The following IQCB1 variants were observed in gnomAD, a reference collection of about 807,000 sequenced individuals.
IQCB1 encodes IQ motif containing B1.
IQCB1 carries 56 observed loss-of-function variants against 84.4 expected under a neutral mutation model. The ratio of observed to expected loss-of-function variants is 0.66; its 90% CI spans 0.54 to 0.83. The LOEUF (loss-of-function observed/expected upper bound fraction) is 0.83, where lower values mean the gene tolerates loss of function less well. Among genes scored for constraint, IQCB1 ranks in the 40% least tolerant of loss-of-function variants. The pLI is 0.00. For synonymous variants in IQCB1, 210 were observed against 234.8 expected (o/e 0.89, Z 0.96); for missense variants, 629 against 682.1 (o/e 0.92, Z 0.87).
rs1949963055 is a variant in IQCB1, at chr3:121,814,300, C to G, written c.394-5291G>C. On this transcript the variant is annotated intron_variant, in intron 5 of 14. Coordinates refer to ENST00000310864, the MANE Select transcript of IQCB1 (RefSeq NM_001023570.4). Reference sequence around the variant, plus strand: ...GAGGGAAATTTACAGCACTAAATGCCCACAGGAGAAAGTGGGAAAGATCTA... The same window carrying G: ...GAGGGAAATTTACAGCACTAAATGCGCACAGGAGAAAGTGGGAAAGATCTA... 2.0e-5 allele frequency among the ~76,000 whole-genome samples: 3 copies of G among 152,130 alleles called. No individual in the cohort carries two copies. In the South Asian group the frequency reaches 6.2e-4, roughly 31 times the overall value.
intron 10 of IQCB1, among the ~76,000 whole-genome samples, chr3:121,792,152 C>T (rs1237429777): frequency 6.6e-6 from 1 of 152,104 alleles, no homozygotes; most frequent in Non-Finnish European, 1.5e-5. Context: ...ATTATAATGT[C>T]TAATACTGCA....
intron 9 of IQCB1, 94 bp downstream of exon 9, chr3:121,797,024 C>G: frequency 1.3e-6 from 1 of 779,290 alleles, no homozygotes; most frequent in Non-Finnish European, 2.3e-6. Flanking sequence ...TGCTTGAAAT[C>G]TTAAGAGAAA....
At position 121,770,420 on chromosome 3, in the gene IQCB1, A is replaced by G. The variant is rs545123454; in HGVS notation, c.1722T>C (p.Asp574=). The G allele has an allele frequency of 3.1e-6, 5 of 1,613,196 alleles. No individual in the cohort carries two copies. Among genetic ancestry groups the G allele is most frequent in the East Asian group, 2.2e-5 (1 of 44,854 alleles). Residue 574 remains aspartate (D), a synonymous_variant, in exon 15 of 15, where the codon GAT becomes GAC. Transcript: ENST00000310864. Reference sequence around the variant, plus strand: ...GCTCATCCTTTGGAACATCAATCTCATCTCCAGATTCTTCTCCAAGCTTCT... The same window carrying G: ...GCTCATCCTTTGGAACATCAATCTCGTCTCCAGATTCTTCTCCAAGCTTCT... The part of the protein sequence containing the change: ...WWKKLGEESG[D]EIDVPKDELS...
chr3:121,789,582 A>G lies in IQCB1; in HGVS notation c.1129+491T>C, dbSNP rs183182064. ...GGGCTAGTGAAGGACCCTGGATTGA[A>G]TAACAAGAAGACAGGTAAAATAATT... On this transcript the variant is annotated intron_variant, in intron 11 of 14. Coordinates refer to ENST00000310864, the MANE Select transcript of IQCB1 (RefSeq NM_001023570.4). Among the ~76,000 whole-genome samples, 4 of 152,332 alleles carry G rather than the reference A, an allele frequency of 2.6e-5. No individual in the cohort carries two copies. In the East Asian group the frequency reaches 7.7e-4, roughly 29 times the overall value.
intron 7 of IQCB1, among the ~76,000 whole-genome samples, chr3:121,801,457 C>A (rs1576578911): frequency 6.6e-6 from 1 of 152,006 alleles, no homozygotes; most frequent in African/African-American, 2.4e-5. Context: ...ATTCCACATA[C>A]CACAGTCTAA....
intron 5 of IQCB1, among the ~76,000 whole-genome samples, chr3:121,815,161 CAT>C (rs1950000788): frequency 6.6e-6 from 1 of 152,160 alleles, no homozygotes; most frequent in Non-Finnish European, 1.5e-5. Flanking sequence ...ACAAAAATCA[CAT>C]GATTATTTCA....
chr3:121,817,419 G>A (rs1950109723), intron 5 of IQCB1, among the ~76,000 whole-genome samples: 1 of 142,674 alleles, frequency 7.0e-6, no homozygotes, highest in Non-Finnish European at 1.6e-5. Context: ...AGAACTGAAA[G>A]TATAATAAAA....
At chr3:121,820,921 CAA>C (rs11378349) in intron 5 of IQCB1, among the ~76,000 whole-genome samples, 2 of 146,816 alleles carry the variant, frequency 1.4e-5, no homozygotes, top group African/African-American at 5.0e-5. Context: ...TATGTCTCCT[CAA>C]AAAAAAAAGC....
At chr3:121,819,596 C>T (rs1004612632) in intron 5 of IQCB1, among the ~76,000 whole-genome samples, 1 of 152,098 alleles carries the variant, frequency 6.6e-6, no homozygotes, top group Admixed American at 6.5e-5. Flanking sequence ...ATATCTTATA[C>T]CCAATTATGT....
intron 7 of IQCB1, among the ~76,000 whole-genome samples, chr3:121,800,312 T>C (rs1417437840): frequency 6.6e-6 from 1 of 151,938 alleles, no homozygotes; most frequent in Non-Finnish European, 1.5e-5. Context: ...CATTAATGAG[T>C]TGCATAAAAT....
chr3:121,829,781 T>C (rs1199559058), intron 2 of IQCB1, among the ~76,000 whole-genome samples: 1 of 152,240 alleles, frequency 6.6e-6, no homozygotes, highest in East Asian at 1.9e-4. Flanking sequence ...CCCTTCACTG[T>C]AATAAATCAT....
chr3:121,834,708 C>A (rs926348182), intron 1 of IQCB1, among the ~76,000 whole-genome samples: 10 of 152,320 alleles, frequency 6.6e-5, no homozygotes, highest in Admixed American at 1.3e-4. Context: ...CCTCTGGGCT[C>A]CTTTACTCCA....
At chr3:121,824,615 A>G (rs79246592) in intron 5 of IQCB1, among the ~76,000 whole-genome samples, 1 of 143,792 alleles carries the variant, frequency 7.0e-6, no homozygotes, top group African/African-American at 2.5e-5. Flanking sequence ...AGTAAGGTTG[A>G]AAAAAAAAAA....
chr3:121,800,552 T>A (rs1299356664), intron 7 of IQCB1, among the ~76,000 whole-genome samples: 1 of 151,890 alleles, frequency 6.6e-6, no homozygotes, highest in Non-Finnish European at 1.5e-5. Flanking sequence ...CTATTCCCTA[T>A]GCCTAGGATG....
At chr3:121,777,142 C>T (rs1181483251) in intron 13 of IQCB1, among the ~76,000 whole-genome samples, 7 of 152,198 alleles carry the variant, frequency 4.6e-5, no homozygotes, top group East Asian at 1.9e-4. Flanking sequence ...CTTTGAGTTA[C>T]ATTTTGCATA....
At chr3:121,795,899 G>A (rs1415031855) in intron 9 of IQCB1, among the ~76,000 whole-genome samples, 1 of 152,104 alleles carries the variant, frequency 6.6e-6, no homozygotes, top group Non-Finnish European at 1.5e-5. Flanking sequence ...AATCAACCTA[G>A]TTAGGTTCAA....
At chr3:121,786,170 C>CAAGAAGAAAAGAAAAAAAAGAAAAG in intron 12 of IQCB1, among the ~76,000 whole-genome samples, 1 of 72,848 alleles carries the variant, frequency 1.4e-5, no homozygotes. Context: ...GATTCTGTCT[C>CAAGAAGAAAAGAAAAAAAAGAAAAG]AAAAGAAAAG....
intron 5 of IQCB1, among the ~76,000 whole-genome samples, chr3:121,824,933 G>C (rs1950409637): frequency 1.3e-5 from 2 of 152,128 alleles, no homozygotes; most frequent in African/African-American, 4.8e-5. Flanking sequence ...GGGTATACAA[G>C]TAGTCCTAGC....
intron 9 of IQCB1, 92 bp from the exon 10 acceptor site, chr3:121,795,658 T>TATTA: frequency 1.3e-6 from 1 of 743,864 alleles, no homozygotes; most frequent in Non-Finnish European, 2.4e-6. Context: ...TTAGGGCAAA[T>TATTA]ATTAATCTCT....
Sources: allele counts gnomAD v4.1 joint callset (sites outside exome capture counted in the v4.1 genomes callset), GRCh38; gene constraint gnomAD v4.1.1; transcripts MANE v1.5; gene names NCBI Gene and HGNC (gene_info 2026-07-23, HGNC 2026-07-21).